The following DYSF variants were observed in gnomAD, a reference collection of about 807,000 sequenced individuals.
DYSF encodes dystrophy-associated fer-1-like 1.
Under a neutral mutation model 274.9 loss-of-function variants are expected in DYSF, and 212 were observed. That is an observed-to-expected ratio of 0.77 (90% CI 0.69 to 0.86). DYSF has a LOEUF of 0.86. DYSF is among the 40% of genes least tolerant of loss of function. The pLI, the probability that DYSF is intolerant of heterozygous loss-of-function variation, is 0.00. For synonymous variants in DYSF, 1,091 were observed against 1,078.7 expected, an observed-to-expected ratio of 1.01 and a Z score of -0.22; for missense variants, 2,666 against 2,783.2, an observed-to-expected ratio of 0.96 and a Z score of 0.95.
At chr2:71,543,537 C>T (rs75205546) in intron 17 of DYSF, among the ~76,000 whole-genome samples, 76,646 of 152,004 alleles carry the variant, frequency 0.5, 21,431 homozygotes, top group Middle Eastern at 0.64. Context: ...TGATAGCGAG[C>T]CGAGATCAAG....
At chr2:71,480,858 A>G (rs1408097175) in intron 1 of DYSF, 25 bp from the exon 2 acceptor site, 7 of 1,610,496 alleles carry the variant, frequency 4.3e-6, no homozygotes, top group East Asian at 2.2e-5. Context: ...GTGTCTCTCC[A>G]TTCTCCCTTT....
In DYSF at chr2:71,581,478, C is replaced by T. The variant is rs572833664; in HGVS notation, c.3402+7107C>T. Among the ~76,000 whole-genome samples the T allele has an allele frequency of 2.0e-5, 3 of 152,364 alleles. No homozygotes were observed. The East Asian group carries it at 5.8e-4, about 29-fold the overall frequency. ...AAGGGTTCCCCTCCTTTGGCCTGGG[C>T]TCCTGGCCTGTGTGGGGTTTCCCTG... On this transcript the variant is annotated intron_variant, in intron 30 of 55. Coordinates refer to ENST00000410020, the MANE Select transcript of DYSF (RefSeq NM_001130987.2).
chr2:71,490,333 G>T (rs1445308228), intron 3 of DYSF, among the ~76,000 whole-genome samples: 2 of 152,132 alleles, frequency 1.3e-5, no homozygotes, highest in African/African-American at 4.8e-5. Flanking sequence ...TTAACGATTT[G>T]GTGCGTATCT....
chr2:71,487,603 G>C (rs10183582), intron 3 of DYSF, among the ~76,000 whole-genome samples: 15,418 of 152,186 alleles, frequency 0.1, 2,242 homozygotes, highest in African/African-American at 0.32. Context: ...CTGCCTCACA[G>C]GTTCAAGCGA....
chr2:71,483,414 G>C (rs978099480), intron 3 of DYSF, among the ~76,000 whole-genome samples: 19 of 152,228 alleles, frequency 1.2e-4, no homozygotes, highest in African/African-American at 4.3e-4. Context: ...GCTTCCTGGA[G>C]GAGGGTCACT....
chr2:71,568,409 G>A, intron 26 of DYSF, 71 bp downstream of exon 26: 1 of 1,583,152 alleles, frequency 6.3e-7, no homozygotes, highest in Non-Finnish European at 8.6e-7. Flanking sequence ...CCCTCCTTTT[G>A]GAGGCAGGCT....
chr2:71,535,147 G>A lies in DYSF; in HGVS notation c.1449+58G>A. The A allele has an allele frequency of 1.9e-6, 3 of 1,607,792 alleles. No homozygotes were observed. In the South Asian group the frequency reaches 3.3e-5, roughly 18 times the overall value. On this transcript the variant is annotated intron_variant, in intron 15 of 55. Coordinates refer to ENST00000410020, the MANE Select transcript of DYSF (RefSeq NM_001130987.2). ...GCCCCTGGGGCTCTGGGCTTCGGGA[G>A]GTCCAGGGCTCCTGCCTCCCCAGCA...
At chr2:71,583,932 T>A (rs756351870) in intron 30 of DYSF, among the ~76,000 whole-genome samples, 80 of 152,158 alleles carry the variant, frequency 5.3e-4, no homozygotes, top group Non-Finnish European at 3.5e-4. Context: ...CATATTCCTA[T>A]GCTCAGGCTC....
chr2:71,604,049 C>T (rs2093604346), intron 36 of DYSF, among the ~76,000 whole-genome samples: 1 of 152,108 alleles, frequency 6.6e-6, no homozygotes, highest in Admixed American at 6.5e-5. Flanking sequence ...TGTGGGTCAG[C>T]AGGGCCAGGG....
intron 16 of DYSF, 46 bp downstream of exon 16, chr2:71,535,357 G>C (rs1471330327): frequency 1.9e-6 from 3 of 1,564,154 alleles, no homozygotes; most frequent in Non-Finnish European, 2.6e-6. Context: ...GTCCTGAGGG[G>C]GCGCTGGGTC....
intron 22 of DYSF, among the ~76,000 whole-genome samples, chr2:71,560,784 TG>T (rs1322597958): frequency 6.8e-6 from 1 of 146,128 alleles, no homozygotes; most frequent in African/African-American, 2.6e-5. Context: ...GGAGGGGAGG[TG>T]GGGGGTGCTG....
chr2:71,658,017 G>A (rs1261927051), intron 43 of DYSF, among the ~76,000 whole-genome samples: 2 of 152,152 alleles, frequency 1.3e-5, no homozygotes, highest in Non-Finnish European at 2.9e-5. Flanking sequence ...TCATCAGGCT[G>A]CACATTTTCT....
chr2:71,649,795 C>T (rs986614247), intron 42 of DYSF, among the ~76,000 whole-genome samples: 2 of 152,182 alleles, frequency 1.3e-5, no homozygotes, highest in African/African-American at 4.8e-5. Flanking sequence ...ATACATGTTA[C>T]ATCAGTCACT....
Position 71,615,219 on chromosome 2 carries a change from G to C in DYSF, c.4464+1809G>C, listed in dbSNP as rs1161862119. 6.6e-6 allele frequency among the ~76,000 whole-genome samples: 1 copy of C among 152,186 alleles called. No homozygotes were observed. Among genetic ancestry groups the C allele is most frequent in the East Asian group, 1.9e-4 (1 of 5,174 alleles). On this transcript the variant is annotated intron_variant, in intron 40 of 55. Coordinates refer to ENST00000410020, the MANE Select transcript of DYSF (RefSeq NM_001130987.2). The surrounding 1 kb of genome is among the most constrained non-coding windows in gnomAD (Gnocchi z 4.9). ...CATGAGGGAACTGGGGCTGGGATCT[G>C]AGCCAGAGCTGGGCCTGTGCTGTTT...
intron 35 of DYSF, among the ~76,000 whole-genome samples, chr2:71,602,333 C>T (rs2093566325): frequency 6.6e-6 from 1 of 152,186 alleles, no homozygotes; most frequent in African/African-American, 2.4e-5. Flanking sequence ...CCTTCACCAG[C>T]CCTGCCCCTC....
At chr2:71,595,771 T>C (rs2093388576) in intron 32 of DYSF, among the ~76,000 whole-genome samples, 1 of 152,208 alleles carries the variant, frequency 6.6e-6, no homozygotes. Flanking sequence ...AGTGCTTGCC[T>C]CAGCTAGGGC....
intron 53 of DYSF, among the ~76,000 whole-genome samples, chr2:71,679,437 C>T (rs1043439344): frequency 5.3e-5 from 8 of 151,880 alleles, no homozygotes; most frequent in Non-Finnish European, 7.4e-5. Flanking sequence ...TTCTCCTTTG[C>T]GGCTCACATC....
rs150055015 is a variant in DYSF, at chr2:71,477,367, G to A, written c.92-3516G>A. On this transcript the variant is annotated intron_variant, in intron 1 of 55. Coordinates refer to ENST00000410020, the MANE Select transcript of DYSF (RefSeq NM_001130987.2). ...CAGGTCTCCTGGGGTGCAGGCTTTA[G>A]CATGGTCATGAGGAAAGTTCATTGG... is the stretch of plus-strand genomic sequence containing the variant. Among the ~76,000 whole-genome samples, 16 of 152,288 alleles carry A rather than the reference G, an allele frequency of 1.1e-4. No homozygotes were observed. The East Asian group carries it at 2.3e-3, about 22-fold the overall frequency.
intron 1 of DYSF, among the ~76,000 whole-genome samples, chr2:71,478,461 T>TC (rs2082592970): frequency 1.3e-5 from 2 of 152,080 alleles, no homozygotes; most frequent in African/African-American, 2.4e-5. Context: ...TCCACCCACC[T>TC]CAGCCTCCCA....
Sources: gnomAD v4.1 joint callset for allele counts (sites outside exome capture counted in the v4.1 genomes callset) on GRCh38, gnomAD v4.1.1 for gene constraint, Gnocchi (gnomAD v3.1) non-coding constraint, MANE v1.5 for transcripts, NCBI Gene and HGNC (gene_info 2026-07-23, HGNC 2026-07-21) for gene names.